The following LRPPRC variants were observed in gnomAD, a reference collection of about 807,000 sequenced individuals.
The protein encoded by LRPPRC is leucine-rich PPR motif-containing protein, mitochondrial.
Under a neutral mutation model 180.3 loss-of-function variants are expected in LRPPRC, and 120 were observed. That is an observed-to-expected ratio of 0.67 (90% confidence interval 0.57 to 0.77). The LOEUF (loss-of-function observed/expected upper bound fraction) is 0.77. LRPPRC is among the 30% of genes least tolerant of loss of function. LRPPRC has a pLI of 0.00. For missense variants in LRPPRC, 2,012 were observed against 1,657.2 expected (o/e 1.21, Z -3.72); for synonymous variants, 723 against 600.0 (o/e 1.21, Z -3.00).
chr2:43,909,842 T>A (rs950584187), intron 30 of LRPPRC, among the ~76,000 whole-genome samples: 2 of 152,100 alleles, frequency 1.3e-5, no homozygotes, highest in East Asian at 3.9e-4. Flanking sequence ...GATAAACCTA[T>A]GTTTCACAGG....
intron 11 of LRPPRC, among the ~76,000 whole-genome samples, chr2:43,970,832 G>T (rs568103422): frequency 9.3e-4 from 141 of 152,342 alleles, no homozygotes; most frequent in African/African-American, 3.3e-3. Context: ...AAGAGTGGTG[G>T]CTCACGCCTA....
chr2:43,901,666 T>G (rs1455593401), intron 31 of LRPPRC, 142 bp from the exon 32 acceptor site: 1 of 662,886 alleles, frequency 1.5e-6, no homozygotes, highest in Non-Finnish European at 2.7e-6. Context: ...TACAGAAAAT[T>G]ATTAATACTT....
At chr2:43,982,932 G>GT (rs397978558) in intron 1 of LRPPRC, among the ~76,000 whole-genome samples, 26,841 of 145,614 alleles carry the variant, frequency 0.18, 2,688 homozygotes, top group African/African-American at 0.27. Context: ...ACGATGCAGG[G>GT]TTTTTTTTTT....
chr2:43,960,216 G>A (rs149483537), intron 13 of LRPPRC, among the ~76,000 whole-genome samples: 84 of 152,298 alleles, frequency 5.5e-4, no homozygotes, highest in African/African-American at 1.8e-3. Context: ...TACTATCCCT[G>A]TTTAGTAAAA....
rs765074503 is a variant in LRPPRC at position 43,976,194 on chromosome 2, G to A, written c.686C>T (p.Pro229Leu). ...GGCACTGAATACTGCCTCTGTAACT[G>A]GGAGATCCTTAGTTTTCATAAATCC... is the stretch of plus-strand genomic sequence containing the variant. ...ILGFMKTKDL[P>L]VTEAVFSALV... Residue 229 changes from proline (P) to leucine (L), a missense_variant, in exon 6 of 38, where the codon CCA becomes CTA. Physicochemically the swap from Pro to Leu is moderately conservative, Grantham distance 98. Coordinates refer to ENST00000260665, the MANE Select transcript of LRPPRC (RefSeq NM_133259.4). 21 of 1,611,582 alleles carry A rather than the reference G, an allele frequency of 1.3e-5. No homozygotes were observed. The South Asian group carries it at 1.9e-4, about 14-fold the overall frequency.
intron 27 of LRPPRC, among the ~76,000 whole-genome samples, chr2:43,920,731 G>A (rs1316349542): frequency 1.3e-5 from 2 of 151,650 alleles, no homozygotes; most frequent in Non-Finnish European, 2.9e-5. Flanking sequence ...TTCTGCAGTG[G>A]AGCACTTCTG....
Position 43,918,435 on chromosome 2 carries a change from T to C in LRPPRC, c.2897-37A>G, listed in dbSNP as rs760493187. The C allele has an allele frequency of 3.5e-6, 5 of 1,445,402 alleles. No individual in the cohort carries two copies. The Admixed American group carries it at 8.4e-5, about 24-fold the overall frequency. 89.5% of individuals were successfully genotyped at this position (1,445,402 alleles called of 1,614,324 possible). A position where few individuals can be genotyped will look rare whatever the true frequency, so the allele number is the denominator to read the frequency against. ...GATTAAGCAGAAATTAATCAATAAA[T>C]ATGCTAAACAGAATACACAAAAATA... On this transcript the variant is annotated intron_variant, in intron 27 of 37. Transcript: ENST00000260665.
At chr2:43,911,038 G>T (rs1287986704) in intron 30 of LRPPRC, among the ~76,000 whole-genome samples, 1 of 151,688 alleles carries the variant, frequency 6.6e-6, no homozygotes, top group Non-Finnish European at 1.5e-5. Flanking sequence ...AATTTTCTGA[G>T]AAAAGTAATT....
chr2:43,952,208 A>AC (rs111831898), intron 14 of LRPPRC, among the ~76,000 whole-genome samples: 3 of 152,048 alleles, frequency 2.0e-5, no homozygotes, highest in East Asian at 1.9e-4. Context: ...GAAAAAAAAA[A>AC]AACAACTGGA....
chr2:43,994,469 A>G (rs1016173720), intron 1 of LRPPRC, among the ~76,000 whole-genome samples: 4 of 152,358 alleles, frequency 2.6e-5, no homozygotes, highest in African/African-American at 9.6e-5. Context: ...ATAATTCTGC[A>G]ATATTCCTAA....
intron 30 of LRPPRC, among the ~76,000 whole-genome samples, chr2:43,907,824 AC>A (rs1300992301): frequency 2.0e-5 from 3 of 152,188 alleles, no homozygotes; most frequent in Admixed American, 6.5e-5. Context: ...TTCACATTGG[AC>A]ATTTCAGAGA....
chr2:43,974,299 G>T lies in LRPPRC; in HGVS notation c.1010-4C>A, dbSNP rs1022362220. 1 of 1,606,884 alleles carries T rather than the reference G, an allele frequency of 6.2e-7. No homozygotes were observed. The highest frequency in any genetic ancestry group is 1.3e-5 in the African/African-American group (1 of 74,782). On this transcript the variant is annotated splice_region_variant and splice_polypyrimidine_tract_variant and intron_variant, in intron 8 of 37. Transcript: ENST00000260665. Reference sequence around the variant, plus strand: ...AGTAAAATGAGGTTCATTGCATCTGGGAAGAAAACAAAGACATCTTTTGTT... The same window carrying T: ...AGTAAAATGAGGTTCATTGCATCTGTGAAGAAAACAAAGACATCTTTTGTT...
At chr2:43,949,949 C>G (rs1343977127) in intron 15 of LRPPRC, among the ~76,000 whole-genome samples, 1 of 152,174 alleles carries the variant, frequency 6.6e-6, no homozygotes, top group Non-Finnish European at 1.5e-5. Context: ...AAACATCACT[C>G]TGAATGAACT....
chr2:43,919,494 G>T (rs982780909), intron 27 of LRPPRC, among the ~76,000 whole-genome samples: 2 of 152,152 alleles, frequency 1.3e-5, no homozygotes, highest in African/African-American at 4.8e-5. Context: ...AATCTTCTTA[G>T]ATTTCTTATC....
At chr2:43,978,880 A>T (rs182207662) in intron 3 of LRPPRC, among the ~76,000 whole-genome samples, 1 of 152,190 alleles carries the variant, frequency 6.6e-6, no homozygotes, top group East Asian at 1.9e-4. Context: ...TGGATTCTTA[A>T]ACATTTAGTG....
In LRPPRC at chr2:43,977,393, C is replaced by T. The variant is rs1674106409; in HGVS notation, c.470-117G>A. ...ACTATCACTTTAGCATTTCACCCATCCATCTTGGCGCTCAGACCTATCTAC... is the reference window on the plus strand; with the variant it reads ...ACTATCACTTTAGCATTTCACCCATTCATCTTGGCGCTCAGACCTATCTAC... On this transcript the variant is annotated intron_variant, in intron 3 of 37. Transcript: ENST00000260665. The T allele has an allele frequency of 3.8e-6, 3 of 785,212 alleles. No individual in the cohort carries two copies. The Admixed American group carries it at 6.0e-5, about 16-fold the overall frequency. 48.6% of individuals were successfully genotyped at this position (785,212 alleles called of 1,614,324 possible). A position where few individuals can be genotyped will look rare whatever the true frequency, so the allele number is the denominator to read the frequency against.
At chr2:43,980,090 T>C (rs1370406024) in intron 2 of LRPPRC, 142 bp from the exon 3 acceptor site, 1 of 770,042 alleles carries the variant, frequency 1.3e-6, no homozygotes, top group Non-Finnish European at 2.2e-6. Flanking sequence ...AAAAATCCTA[T>C]CCTAATGTAC....
At chr2:43,953,491 G>A (rs1188318844) in intron 14 of LRPPRC, among the ~76,000 whole-genome samples, 1 of 152,192 alleles carries the variant, frequency 6.6e-6, no homozygotes, top group Non-Finnish European at 1.5e-5. Flanking sequence ...CTCCTGGGTA[G>A]TGTCCCCTTT....
Position 43,922,202 on chromosome 2 carries a change from T to C in LRPPRC, c.2896+2865A>G, listed in dbSNP as rs539141589. ...AAATTTTGTAACAGATCATGTTATA[T>C]TGAGTCCATAGAAAATGAAAGCAGT... is the stretch of plus-strand genomic sequence containing the variant. On this transcript the variant is annotated intron_variant, in intron 27 of 37. Transcript: ENST00000260665. Among the ~76,000 whole-genome samples, 545 of 152,312 alleles carry C rather than the reference T, an allele frequency of 3.6e-3. 3 individuals carry two copies. In the Middle Eastern group the frequency reaches 0.037, roughly 10 times the overall value.
Sources: allele counts gnomAD v4.1 joint callset (sites outside exome capture counted in the v4.1 genomes callset), GRCh38; gene constraint gnomAD v4.1.1; transcripts MANE v1.5; gene names NCBI Gene and HGNC (gene_info 2026-07-23, HGNC 2026-07-21).